Variants in HLA-DRB5 observed in about 807,000 individuals in gnomAD.
HLA-DRB5 encodes the protein DR beta-5.
In HLA-DRB5, 11 loss-of-function variants were observed where a neutral mutation model predicts 22.4. The observed-to-expected ratio is 0.49, with a 90% CI of 0.31 to 0.81. The LOEUF is 0.81. HLA-DRB5 is among the 40% of genes least tolerant of loss of function. HLA-DRB5 has a pLI of 0.05. For missense variants in HLA-DRB5, 106 were observed against 274.4 expected, an observed-to-expected ratio of 0.39 and a Z score of 4.34; for synonymous variants, 57 against 106.0, an observed-to-expected ratio of 0.54 and a Z score of 2.84.
In HLA-DRB5 at chr6:32,525,050, T is replaced by C. The variant is rs149998856; in HGVS notation, c.101-2876A>G. Among the ~76,000 whole-genome samples, 153 of 24,402 alleles carry C rather than the reference T, an allele frequency of 6.3e-3. 41 individuals carry two copies. The highest frequency in any genetic ancestry group is 6.8e-3 in the Non-Finnish European group (78 of 11,554). The allele number at this position is 24,402 out of a possible 152,430, so 16.0% of individuals were successfully genotyped here. A position where few individuals can be genotyped will look rare whatever the true frequency, so the allele number is the denominator to read the frequency against. On this transcript the variant is annotated intron_variant, in intron 1 of 5. Coordinates refer to ENST00000374975, the MANE Select transcript of HLA-DRB5 (RefSeq NM_002125.4). Reference sequence around the variant, plus strand: ...AAATGCAAAATGAATGAAAGTTTCTTTTATACATTGGAACTAGAAGCCCTT... The same window carrying C: ...AAATGCAAAATGAATGAAAGTTTCTCTTATACATTGGAACTAGAAGCCCTT...
Position 32,522,536 on chromosome 6 carries a change from C to T in HLA-DRB5, c.101-362G>A. On this transcript the variant is annotated intron_variant, in intron 1 of 5. Coordinates refer to ENST00000374975, the MANE Select transcript of HLA-DRB5 (RefSeq NM_002125.4). ...CAAAGACAATCTCTGCTCCTTCTCT[C>T]ATCCCACAGGCTTTACCCGTTCCCT... 2.1e-4 allele frequency among the ~76,000 whole-genome samples: 8 copies of T among 38,996 alleles called. 4 individuals are homozygous for T. Among genetic ancestry groups the T allele is most frequent in the Non-Finnish European group, 4.3e-4 (8 of 18,722 alleles). The allele number at this position is 38,996 out of a possible 152,430, so 25.6% of individuals were successfully genotyped here.
intron 2 of HLA-DRB5, among the ~76,000 whole-genome samples, chr6:32,521,224 A>G (rs111620703): frequency 0.54 from 24,018 of 44,182 alleles, 8,674 homozygotes; most frequent in Middle Eastern, 0.78. Flanking sequence ...GTAACAGTGT[A>G]TTAAAATTTT....
intron 1 of HLA-DRB5, among the ~76,000 whole-genome samples, chr6:32,525,538 T>C (rs1375970521): frequency 9.5e-3 from 1,034 of 109,292 alleles, no homozygotes; most frequent in Middle Eastern, 0.016. Context: ...GAAACACTGG[T>C]TTATGTCTAA....
intron 2 of HLA-DRB5, among the ~76,000 whole-genome samples, 177 bp from the exon 3 acceptor site, chr6:32,519,828 T>C (rs115009189): frequency 0.64 from 40,058 of 62,800 alleles, 16,970 homozygotes; most frequent in Middle Eastern, 0.78. Flanking sequence ...TAGTGGGGGC[T>C]CATCAGATTT....
chr6:32,523,454 C>G (rs762974794), intron 1 of HLA-DRB5, among the ~76,000 whole-genome samples: 3,399 of 30,994 alleles, frequency 0.11, 1,090 homozygotes, highest in East Asian at 0.15. Flanking sequence ...AAATAATCCT[C>G]TGGTTAAAAG....
intron 2 of HLA-DRB5, among the ~76,000 whole-genome samples, chr6:32,521,011 G>A (rs144607337): frequency 3.2e-5 from 1 of 31,588 alleles, no homozygotes; most frequent in Non-Finnish European, 6.3e-5. Context: ...TTATAATTGG[G>A]CAATAAATAG....
intron 1 of HLA-DRB5, among the ~76,000 whole-genome samples, chr6:32,522,764 AAC>A (rs1197065121): frequency 4.3e-5 from 2 of 46,614 alleles, no homozygotes; most frequent in African/African-American, 1.7e-4. Flanking sequence ...GGAGTTCCAG[AAC>A]ACAGAGTAAT....
intron 2 of HLA-DRB5, among the ~76,000 whole-genome samples, chr6:32,520,099 A>G (rs796487697): frequency 0.044 from 1,720 of 39,308 alleles, 479 homozygotes; most frequent in East Asian, 0.057. Flanking sequence ...GGATTAATGC[A>G]CATAAAATAT....
chr6:32,524,743 A>G (rs114624824), intron 1 of HLA-DRB5, among the ~76,000 whole-genome samples: 47,546 of 80,156 alleles, frequency 0.59, 16,762 homozygotes, highest in Admixed American at 0.64. Flanking sequence ...TTGTAAAGTC[A>G]CTGTCACTGT....
At chr6:32,519,929 T>C (rs1178999425) in intron 2 of HLA-DRB5, among the ~76,000 whole-genome samples, 306 of 96,768 alleles carry the variant, frequency 3.2e-3, no homozygotes, top group African/African-American at 5.3e-3. Context: ...GTACAGAGTG[T>C]AGTAATTAAA....
intron 1 of HLA-DRB5, among the ~76,000 whole-genome samples, chr6:32,523,733 A>G (rs1769240764): frequency 9.4e-6 from 1 of 106,602 alleles, no homozygotes; most frequent in Non-Finnish European, 2.0e-5. Context: ...AATTTATGCA[A>G]CTGTCTACTT....
At chr6:32,521,103 T>A (rs150278744) in intron 2 of HLA-DRB5, among the ~76,000 whole-genome samples, 1 of 53,918 alleles carries the variant, frequency 1.9e-5, no homozygotes, top group African/African-American at 6.7e-5. Context: ...TTTTGGTGAA[T>A]GTCATAATAA....
chr6:32,521,881 G>T (rs1768943526), intron 2 of HLA-DRB5, 24 bp downstream of exon 2: 1 of 1,144,568 alleles, frequency 8.7e-7, no homozygotes, highest in African/African-American at 1.8e-5. Context: ...CAAGGACCCA[G>T]GCCCCGCCCC....
At chr6:32,524,691 G>C (rs74655967) in intron 1 of HLA-DRB5, among the ~76,000 whole-genome samples, 83,077 of 109,614 alleles carry the variant, frequency 0.76, 36,578 homozygotes, top group Admixed American at 0.81. Context: ...CCTAAATTAT[G>C]TAAGCACTTT....
At chr6:32,520,711 A>T (rs184379497) in intron 2 of HLA-DRB5, among the ~76,000 whole-genome samples, 4,129 of 83,778 alleles carry the variant, frequency 0.049, 414 homozygotes, top group Admixed American at 0.088. Flanking sequence ...CCTGGAGACA[A>T]AAATACCACA....
intron 2 of HLA-DRB5, among the ~76,000 whole-genome samples, chr6:32,520,425 C>A (rs111483373): frequency 0.47 from 21,555 of 46,304 alleles, 6,505 homozygotes; most frequent in Middle Eastern, 0.59. Context: ...AAGTTCCCAG[C>A]AAAGCATGAG....
intron 2 of HLA-DRB5, among the ~76,000 whole-genome samples, chr6:32,520,758 A>ATAAATTTTGCAATATATTTG (rs1562429416): frequency 2.0e-5 from 1 of 49,136 alleles, no homozygotes. Context: ...AACCATTAAT[A>ATAAATTTTGCAATATATTTG]AAAGTTTTGG....
chr6:32,525,485 C>T (rs181138966), intron 1 of HLA-DRB5, among the ~76,000 whole-genome samples: 801 of 89,426 alleles, frequency 9.0e-3, no homozygotes, highest in Middle Eastern at 0.013. Flanking sequence ...TTCTGTTCTT[C>T]TATTAGTTTC....
At chr6:32,519,844 A>ATAC (rs1554264619) in intron 2 of HLA-DRB5, among the ~76,000 whole-genome samples, 193 bp from the exon 3 acceptor site, 6 of 73,612 alleles carry the variant, frequency 8.2e-5, no homozygotes, top group Admixed American at 1.5e-4. Flanking sequence ...GATTTGAGAG[A>ATAC]TGTGAAAAAT....
Sources: gnomAD v4.1 joint callset for allele counts (sites outside exome capture counted in the v4.1 genomes callset) on GRCh38, gnomAD v4.1.1 for gene constraint, MANE v1.5 for transcripts, NCBI Gene and HGNC (gene_info 2026-07-23, HGNC 2026-07-21) for gene names.